Variants in POTEE observed in about 807,000 individuals in gnomAD.
POTEE encodes the protein POTE ankyrin domain family member E.
Under a neutral mutation model 74.2 loss-of-function variants are expected in POTEE, and 21 were observed. That is an observed-to-expected ratio of 0.28 (90% CI 0.20 to 0.41). The LOEUF is 0.41. Among genes scored for constraint, POTEE ranks in the 10% least tolerant of loss-of-function variants. The pLI, the probability that POTEE is intolerant of heterozygous loss-of-function variation, is 1.00. For missense variants in POTEE, 525 were observed against 1,158.6 expected (o/e 0.45, Z 7.94); for synonymous variants, 211 against 432.8 (o/e 0.49, Z 6.36).
intron 7 of POTEE, among the ~76,000 whole-genome samples, chr2:131,227,399 T>G (rs919729158): frequency 1.4e-5 from 2 of 147,320 alleles, no homozygotes; most frequent in African/African-American, 5.3e-5. Flanking sequence ...AGAATATTAG[T>G]GTTAGCTTAT....
In POTEE at chr2:131,223,789, A is replaced by G. The variant is rs774939384; in HGVS notation, c.636+79A>G. ...CATAAAAATGAGTTTTCTCCTTTAA[A>G]TATAACTAGTTGGTGAAAGCTGTGG... On this transcript the variant is annotated intron_variant, in intron 5 of 17. Coordinates refer to ENST00000683005, the MANE Select transcript of POTEE (RefSeq NM_001083538.3). 3.7e-6 allele frequency: 6 copies of G among 1,609,290 alleles called. No homozygotes were observed. In the African/African-American group the frequency reaches 6.9e-5, roughly 18 times the overall value.
chr2:131,251,264 A>G (rs1347791231), intron 14 of POTEE, among the ~76,000 whole-genome samples: 3 of 33,390 alleles, frequency 9.0e-5, no homozygotes, highest in African/African-American at 1.8e-4. Context: ...ACTCCATGTG[A>G]AAAAAAAAAA....
chr2:131,225,823 A>G (rs1700767951), intron 6 of POTEE, among the ~76,000 whole-genome samples: 1 of 151,716 alleles, frequency 6.6e-6, no homozygotes, highest in African/African-American at 2.4e-5. Context: ...ACCATTCCTG[A>G]CCTAGTCTGA....
intron 9 of POTEE, among the ~76,000 whole-genome samples, chr2:131,231,407 G>T (rs1700953365): frequency 6.6e-6 from 1 of 151,940 alleles, no homozygotes; most frequent in Non-Finnish European, 1.5e-5. Flanking sequence ...GTGTGGTGTG[G>T]TTCATAATAG....
rs200210076 is a variant in POTEE, at chr2:131,215,634, A to G, written c.-188-1955A>G. Among the ~76,000 whole-genome samples the G allele has an allele frequency of 4.5e-4, 66 of 145,126 alleles. No homozygotes were observed. In the East Asian group the frequency reaches 0.013, roughly 28 times the overall value. On this transcript the variant is annotated intron_variant, in intron 2 of 17. Transcript: ENST00000683005. ...TTCCGAGAGACCACAGTTCAAAGTC[A>G]TTGACAAAGAAAGTTTAAAAATTGT...
At chr2:131,217,793 C>CGCACG (rs1700481525) in intron 3 of POTEE, among the ~76,000 whole-genome samples, 110 bp downstream of exon 3, 3 of 145,340 alleles carry the variant, frequency 2.1e-5, no homozygotes, top group African/African-American at 8.4e-5. Context: ...CACGCGCACG[C>CGCACG]CCGGCAGCAG....
chr2:131,230,986 A>G (rs1296118380), intron 9 of POTEE, 80 bp downstream of exon 9: 58 of 1,349,776 alleles, frequency 4.3e-5, no homozygotes, highest in African/African-American at 1.5e-4. Flanking sequence ...GTGGAAGACA[A>G]TTTTTCCATG....
chr2:131,216,255 A>G (rs1319897026), intron 2 of POTEE, among the ~76,000 whole-genome samples: 1 of 151,990 alleles, frequency 6.6e-6, no homozygotes, highest in Non-Finnish European at 1.5e-5. Context: ...CAAAATTTCA[A>G]TGCTACTCAA....
At chr2:131,231,308 G>A (rs1016027023) in intron 9 of POTEE, among the ~76,000 whole-genome samples, 3 of 150,592 alleles carry the variant, frequency 2.0e-5, no homozygotes, top group Admixed American at 6.6e-5. Flanking sequence ...TCTGACTGGA[G>A]GCAGAGTACA....
chr2:131,210,173 G>T (rs190415491), intron 1 of POTEE, among the ~76,000 whole-genome samples: 2,985 of 133,876 alleles, frequency 0.022, 68 homozygotes, highest in African/African-American at 0.087. Flanking sequence ...GAGTGTTGTC[G>T]GGTGCTGCAC....
chr2:131,224,783 T>C (rs1700729674), intron 6 of POTEE, among the ~76,000 whole-genome samples: 1 of 151,328 alleles, frequency 6.6e-6, no homozygotes, highest in Admixed American at 6.6e-5. Context: ...AGATTGGCAG[T>C]GAATAGGTGG....
At chr2:131,237,370 T>A (rs1262733941) in intron 10 of POTEE, among the ~76,000 whole-genome samples, 1 of 152,040 alleles carries the variant, frequency 6.6e-6, no homozygotes, top group South Asian at 2.1e-4. Flanking sequence ...CCTTATGGTC[T>A]CTCGTTGACC....
intron 2 of POTEE, among the ~76,000 whole-genome samples, chr2:131,213,550 GATA>G (rs1225586933): frequency 6.6e-6 from 1 of 151,500 alleles, no homozygotes; most frequent in African/African-American, 2.4e-5. Context: ...ATATTGAAGA[GATA>G]ATATCTAAAT....
chr2:131,230,855 G>A lies in POTEE; in HGVS notation c.1075G>A (p.Asp359Asn). 2 of 1,370,586 alleles carry A rather than the reference G, an allele frequency of 1.5e-6. No homozygotes were observed. Among genetic ancestry groups the A allele is most frequent in the Non-Finnish European group, 2.0e-6 (2 of 995,976 alleles). 84.9% of individuals were successfully genotyped at this position (1,370,586 alleles called of 1,614,324 possible). ...ACATAGAATTTGCCAGTTACTTTCT[G>A]ACTACAAAGAAAAACAGATGCTAAA... ...HHHVICQLLS[D>N]YKEKQMLKIS... The change falls in exon 9 of 18, where the codon GAC becomes AAC. Residue 359 changes from aspartate to asparagine, a missense_variant. Coordinates refer to ENST00000683005, the MANE Select transcript of POTEE (RefSeq NM_001083538.3).
In POTEE at chr2:131,217,843, C is replaced by T. The variant is rs535316957; in HGVS notation, c.-94+160C>T. On this transcript the variant is annotated intron_variant, in intron 3 of 17. Coordinates refer to ENST00000683005, the MANE Select transcript of POTEE (RefSeq NM_001083538.3). ...ACGGCTTGCACGCGCACGCCGCACGCGCATAACGGTTTGGCCGGCCTGTAA... is the reference window on the plus strand; with the variant it reads ...ACGGCTTGCACGCGCACGCCGCACGTGCATAACGGTTTGGCCGGCCTGTAA... Among the ~76,000 whole-genome samples the T allele has an allele frequency of 6.9e-3, 1,041 of 150,556 alleles. 8 individuals are homozygous for T. The highest frequency in any genetic ancestry group is 0.011 in the Non-Finnish European group (755 of 67,760).
At chr2:131,230,594 C>G (rs1165978032) in intron 8 of POTEE, among the ~76,000 whole-genome samples, 1 of 152,098 alleles carries the variant, frequency 6.6e-6, no homozygotes, top group Non-Finnish European at 1.5e-5. Flanking sequence ...CATGCTAATG[C>G]TAGCTAATTT....
At chr2:131,233,614 G>T (rs1701034787) in intron 9 of POTEE, among the ~76,000 whole-genome samples, 1 of 116,768 alleles carries the variant, frequency 8.6e-6, no homozygotes, top group African/African-American at 3.2e-5. Context: ...TTTTTTTTTT[G>T]GTGTTATGCT....
intron 4 of POTEE, among the ~76,000 whole-genome samples, chr2:131,221,277 G>GT (rs1339814514): frequency 6.6e-6 from 1 of 152,060 alleles, no homozygotes; most frequent in Non-Finnish European, 1.5e-5. Context: ...GGACTAATAT[G>GT]TAACTATTGA....
At chr2:131,260,620 T>C (rs1210667244) in intron 16 of POTEE, among the ~76,000 whole-genome samples, 5 of 149,086 alleles carry the variant, frequency 3.4e-5, no homozygotes, top group East Asian at 1.9e-4. Flanking sequence ...TCAGCTTGGT[T>C]GTAGTTGGTG....
Sources: gnomAD v4.1 joint callset for allele counts (sites outside exome capture counted in the v4.1 genomes callset) on GRCh38, gnomAD v4.1.1 for gene constraint, MANE v1.5 for transcripts, NCBI Gene and HGNC (gene_info 2026-07-23, HGNC 2026-07-21) for gene names.